LGR5: variants seen among roughly 807,000 people sequenced by gnomAD.
LGR5 encodes the protein leucine rich repeat containing G protein-coupled receptor 5.
A neutral mutation model predicts 76.7 loss-of-function variants in LGR5; 54 were observed. The observed-to-expected ratio is 0.70, with a 90% CI of 0.57 to 0.88. LGR5 has a LOEUF of 0.88. Among genes scored for constraint, LGR5 ranks in the 40% least tolerant of loss-of-function variants. The pLI is 0.00. For missense variants in LGR5, 1,078 were observed against 1,073.3 expected (o/e 1.00, Z -0.06); for synonymous variants, 406 against 421.9 (o/e 0.96, Z 0.46).
At chr12:71,464,656 G>C (rs7966817) in intron 1 of LGR5, among the ~76,000 whole-genome samples, 2 of 152,094 alleles carry the variant, frequency 1.3e-5, no homozygotes, top group Admixed American at 6.6e-5. Context: ...GGAAATAATC[G>C]TAAGTCTATA....
rs138199691 is a variant in LGR5 at position 71,547,985 on chromosome 12, C to T, written c.429-5088C>T. On this transcript the variant is annotated intron_variant, in intron 4 of 17. Transcript: ENST00000266674. ...TATAAACTATATGTAACAGACCCCC[C>T]CCAAAAGGACCATAAAGTGGGTGCT... 9.7e-3 allele frequency among the ~76,000 whole-genome samples: 1,475 copies of T among 152,166 alleles called. 21 individuals are homozygous for T. Among genetic ancestry groups the T allele is most frequent in the African/African-American group, 0.033 (1,360 of 41,504 alleles).
chr12:71,519,919 T>G (rs551143110), intron 2 of LGR5, among the ~76,000 whole-genome samples: 1 of 151,884 alleles, frequency 6.6e-6, no homozygotes, highest in South Asian at 2.1e-4. Context: ...CATGGGATAT[T>G]AAAAAAATAG....
At chr12:71,479,656 G>A (rs1873498322) in intron 1 of LGR5, among the ~76,000 whole-genome samples, 1 of 152,054 alleles carries the variant, frequency 6.6e-6, no homozygotes, top group Non-Finnish European at 1.5e-5. Context: ...ATCTGGGGGG[G>A]TGGGGAAAGA....
intron 1 of LGR5, among the ~76,000 whole-genome samples, chr12:71,462,515 G>A (rs1872722490): frequency 6.6e-6 from 1 of 151,938 alleles, no homozygotes. Flanking sequence ...TCCTCCCCCT[G>A]TCTTTGCTCT....
At chr12:71,570,603 G>A (rs1878564881) in intron 11 of LGR5, among the ~76,000 whole-genome samples, 1 of 152,002 alleles carries the variant, frequency 6.6e-6, no homozygotes, top group South Asian at 2.1e-4. Flanking sequence ...TTGGGTGGGG[G>A]GGTATCTTTC....
In LGR5 at chr12:71,553,210, A is replaced by G. The variant is rs1416368030; in HGVS notation, c.566A>G (p.Gln189Arg). ...VQAFRSLSAL[Q>R]AMTLALNKIH... is the part of the protein sequence containing the mutation. ...GCTTTTAGAAGTTTATCGGCATTGCAAGCCATGACCTTGGCCCTGAACAAA... is the reference window on the plus strand; with the variant it reads ...GCTTTTAGAAGTTTATCGGCATTGCGAGCCATGACCTTGGCCCTGAACAAA... The change falls in exon 5 of 18, where the codon CAA (glutamine) becomes CGA (arginine). Residue 189 changes from glutamine (Q) to arginine (R), a missense_variant. Gln to Arg is a conservative substitution (Grantham distance 43). Transcript: ENST00000266674. 1 of 1,614,020 alleles carries G rather than the reference A, an allele frequency of 6.2e-7. No individual in the cohort carries two copies. Among genetic ancestry groups the G allele is most frequent in the Admixed American group, 1.7e-5 (1 of 59,994 alleles).
chr12:71,505,689 G>A (rs1278870735), intron 2 of LGR5, among the ~76,000 whole-genome samples: 1 of 152,098 alleles, frequency 6.6e-6, no homozygotes, highest in Non-Finnish European at 1.5e-5. Flanking sequence ...ATAACATTTT[G>A]AAATTTCTCC....
At position 71,566,865 on chromosome 12, in the gene LGR5, A is replaced by T; in HGVS notation, c.1023A>T (p.Ser341=). The stretch of plus-strand genomic sequence containing the variant: ...GGACTTTAACTGGAGCACAGATCTC[A>T]TCTCTTCCTCAAACCGTCTGCAATC... ...ESLTLTGAQI[S]SLPQTVCNQL... is the part of the protein sequence containing the mutation. Residue 341 remains serine (S), a synonymous_variant, in exon 11 of 18, where the codon TCA becomes TCT. Coordinates refer to ENST00000266674, the MANE Select transcript of LGR5 (RefSeq NM_003667.4). The T allele has an allele frequency of 6.2e-7, 1 of 1,613,112 alleles. No individual in the cohort carries two copies. The highest frequency in any genetic ancestry group is 1.1e-5 in the South Asian group (1 of 91,072).
At chr12:71,468,709 C>CTTTTTT (rs538254378) in intron 1 of LGR5, among the ~76,000 whole-genome samples, 2 of 70,074 alleles carry the variant, frequency 2.9e-5, no homozygotes, top group Non-Finnish European at 2.8e-5. Flanking sequence ...GTGGTAGCCT[C>CTTTTTT]TTTTTTTTTT....
chr12:71,537,183 CAA>C (rs35199889), intron 4 of LGR5, among the ~76,000 whole-genome samples: 75 of 111,100 alleles, frequency 6.8e-4, no homozygotes, highest in East Asian at 6.5e-4. Flanking sequence ...TAAGAGTTGT[CAA>C]AAAAAAAAAA....
chr12:71,565,438 ATATATAGC>A (rs1565762682), intron 8 of LGR5, among the ~76,000 whole-genome samples: 1 of 5,642 alleles, frequency 1.8e-4, no homozygotes, highest in South Asian at 0.071. Flanking sequence ...ATATATATAT[ATATATAGC>A]TCATATATAG....
intron 4 of LGR5, among the ~76,000 whole-genome samples, chr12:71,549,996 T>G (rs1877394821): frequency 6.6e-6 from 1 of 152,144 alleles, no homozygotes; most frequent in East Asian, 1.9e-4. Flanking sequence ...ATGGCTATAT[T>G]AACGTTGGGA....
chr12:71,551,588 G>T (rs867586790), intron 4 of LGR5, among the ~76,000 whole-genome samples: 4 of 152,198 alleles, frequency 2.6e-5, no homozygotes, highest in African/African-American at 9.7e-5. Context: ...CATAGTTTGA[G>T]TGATGTTGGT....
chr12:71,485,471 C>A (rs886420559), intron 1 of LGR5, among the ~76,000 whole-genome samples: 2 of 152,084 alleles, frequency 1.3e-5, no homozygotes, highest in African/African-American at 2.4e-5. Flanking sequence ...AATCCCAGGA[C>A]TTTGGGAGGC....
chr12:71,539,428 A>G (rs1876762628), intron 4 of LGR5, among the ~76,000 whole-genome samples: 2 of 149,960 alleles, frequency 1.3e-5, no homozygotes. Context: ...CACATATACA[A>G]AAGATGTTTT....
At chr12:71,575,886 C>T (rs1213061901) in intron 13 of LGR5, among the ~76,000 whole-genome samples, 1 of 152,154 alleles carries the variant, frequency 6.6e-6, no homozygotes, top group African/African-American at 2.4e-5. Flanking sequence ...GGTATATATA[C>T]ACCATGGAAT....
At chr12:71,556,974 C>T (rs764029378) in intron 6 of LGR5, among the ~76,000 whole-genome samples, 6 of 151,884 alleles carry the variant, frequency 4.0e-5, no homozygotes, top group Non-Finnish European at 5.9e-5. Flanking sequence ...AATGTGTAGT[C>T]TCTGTCAAGG....
intron 3 of LGR5, among the ~76,000 whole-genome samples, chr12:71,529,411 C>G (rs1738016686): frequency 6.6e-6 from 1 of 152,128 alleles, no homozygotes; most frequent in Non-Finnish European, 1.5e-5. Flanking sequence ...AGAACTCACT[C>G]ACTATCATGA....
At chr12:71,455,149 G>T (rs1872417388) in intron 1 of LGR5, among the ~76,000 whole-genome samples, 1 of 152,008 alleles carries the variant, frequency 6.6e-6, no homozygotes, top group Non-Finnish European at 1.5e-5. Context: ...AAGGAGCTAG[G>T]CATCAGAATG....
Sources: allele counts gnomAD v4.1 joint callset (sites outside exome capture counted in the v4.1 genomes callset), GRCh38; gene constraint gnomAD v4.1.1; transcripts MANE v1.5; gene names NCBI Gene and HGNC (gene_info 2026-07-23, HGNC 2026-07-21).